The following CCSER1 variants were observed in gnomAD, a reference collection of about 807,000 sequenced individuals.
CCSER1 encodes the protein coiled-coil serine rich protein 1.
CCSER1 carries 41 observed loss-of-function variants against 82.0 expected under a neutral mutation model. The observed-to-expected ratio is 0.50, with a 90% confidence interval of 0.39 to 0.65. CCSER1 has a LOEUF of 0.65. CCSER1 is among the 30% of genes least tolerant of loss of function. CCSER1 has a pLI of 0.00. For missense variants in CCSER1, 1,119 were observed against 1,064.2 expected, an observed-to-expected ratio of 1.05 and a Z score of -0.72; for synonymous variants, 414 against 383.9, an observed-to-expected ratio of 1.08 and a Z score of -0.92.
Position 90,741,117 on chromosome 4 carries a change from T to C in CCSER1, c.2010+17126T>C, listed in dbSNP as rs141100737. 5.2e-3 allele frequency among the ~76,000 whole-genome samples: 798 copies of C among 152,256 alleles called. 6 individuals are homozygous for C. Among genetic ancestry groups the C allele is most frequent in the African/African-American group, 0.018 (766 of 41,550 alleles). On this transcript the variant is annotated intron_variant, in intron 7 of 10. Coordinates refer to ENST00000509176, the MANE Select transcript of CCSER1 (RefSeq NM_001145065.2). ...ACATGGGAAGAGTTCTGAATTAATT[T>C]GTATGTAAAGGATAGGTGTTGAACT...
chr4:90,152,381 A>C lies in CCSER1; in HGVS notation c.-42+24550A>C, dbSNP rs145928824. On this transcript the variant is annotated intron_variant, in intron 1 of 10. Coordinates refer to ENST00000509176, the MANE Select transcript of CCSER1 (RefSeq NM_001145065.2). ...CTGAGGCCAGGATGAAGGAATGGGC[A>C]TACTGGCCTAAGTGAGCCAAGGTTC... 1.7e-3 allele frequency among the ~76,000 whole-genome samples: 255 copies of C among 152,294 alleles called. 3 individuals are homozygous for C. Among genetic ancestry groups the C allele is most frequent in the African/African-American group, 5.5e-3 (228 of 41,558 alleles).
intron 7 of CCSER1, among the ~76,000 whole-genome samples, chr4:90,734,089 CTATTTT>C (rs774198568): frequency 7.9e-5 from 12 of 151,326 alleles, no homozygotes; most frequent in Middle Eastern, 6.8e-3. Context: ...CTATAGATTG[CTATTTT>C]TATTTTTATT....
chr4:91,077,438 A>T (rs372139098), intron 9 of CCSER1, among the ~76,000 whole-genome samples: 216 of 152,356 alleles, frequency 1.4e-3, no homozygotes, highest in African/African-American at 5.0e-3. Context: ...AAAATAGTAA[A>T]ATGTGACTCA....
At chr4:90,254,819 C>A (rs1274118071) in intron 1 of CCSER1, among the ~76,000 whole-genome samples, 1 of 152,048 alleles carries the variant, frequency 6.6e-6, no homozygotes, top group African/African-American at 2.4e-5. Context: ...TTTTGCATGT[C>A]ATTAGGGAAA....
At chr4:90,951,593 A>G (rs1038124510) in intron 9 of CCSER1, among the ~76,000 whole-genome samples, 21 of 152,124 alleles carry the variant, frequency 1.4e-4, no homozygotes, top group African/African-American at 4.8e-4. Flanking sequence ...CAGAAGTCCA[A>G]CATGATAAAA....
At chr4:90,276,304 TTC>T (rs1397463991) in intron 1 of CCSER1, among the ~76,000 whole-genome samples, 30 of 126,072 alleles carry the variant, frequency 2.4e-4, no homozygotes, top group East Asian at 9.5e-4. Context: ...CCTTCCTTCC[TTC>T]CTTTCTTTCT....
chr4:90,354,375 A>G (rs1386119815), intron 3 of CCSER1, among the ~76,000 whole-genome samples: 1 of 152,204 alleles, frequency 6.6e-6, no homozygotes, highest in Non-Finnish European at 1.5e-5. Flanking sequence ...TATATAAAAT[A>G]ACATGAGATG....
chr4:90,988,470 A>G (rs1422026620), intron 9 of CCSER1, among the ~76,000 whole-genome samples: 1 of 151,246 alleles, frequency 6.6e-6, no homozygotes, highest in African/African-American at 2.4e-5. Flanking sequence ...CTTGCTCAAT[A>G]GTCATATCTT....
At position 91,539,005 on chromosome 4, in the gene CCSER1, A is replaced by C. The variant is rs547141116; in HGVS notation, c.2218-59567A>C. 9.9e-5 allele frequency among the ~76,000 whole-genome samples: 15 copies of C among 152,078 alleles called. No homozygotes were observed. In the East Asian group the frequency reaches 2.9e-3, roughly 29 times the overall value. On this transcript the variant is annotated intron_variant, in intron 10 of 10. Coordinates refer to ENST00000509176, the MANE Select transcript of CCSER1 (RefSeq NM_001145065.2). Reference sequence around the variant, plus strand: ...CAGCCCAGCTGAATGACAGCAGATCAATTTTCTTTCTAAAGGTCCTTCCAG... The same window carrying C: ...CAGCCCAGCTGAATGACAGCAGATCCATTTTCTTTCTAAAGGTCCTTCCAG...
At chr4:90,906,244 G>C (rs1283678401) in intron 8 of CCSER1, among the ~76,000 whole-genome samples, 1 of 152,082 alleles carries the variant, frequency 6.6e-6, no homozygotes, top group Non-Finnish European at 1.5e-5. Flanking sequence ...TCATGACTAT[G>C]CTGAAGGAAA....
chr4:90,458,885 A>G (rs1489028447), intron 4 of CCSER1, among the ~76,000 whole-genome samples: 1 of 152,200 alleles, frequency 6.6e-6, no homozygotes, highest in African/African-American at 2.4e-5. Flanking sequence ...CACTTAACCT[A>G]GGTAGCATCT....
intron 10 of CCSER1, among the ~76,000 whole-genome samples, chr4:91,140,855 A>C (rs184410302): frequency 2.0e-4 from 31 of 152,100 alleles, no homozygotes; most frequent in Admixed American, 5.2e-4. Context: ...TCCAGTTTTG[A>C]TGCAGGCATA....
At chr4:91,560,605 C>T (rs1762609669) in intron 10 of CCSER1, among the ~76,000 whole-genome samples, 1 of 151,480 alleles carries the variant, frequency 6.6e-6, no homozygotes, top group Admixed American at 6.6e-5. Context: ...TTGCTGTATG[C>T]TCAATCGTTT....
intron 8 of CCSER1, among the ~76,000 whole-genome samples, chr4:90,882,148 G>A (rs76624335): frequency 0.02 from 2,967 of 152,000 alleles, 52 homozygotes; most frequent in Non-Finnish European, 0.027. Flanking sequence ...AGCTAGTCAC[G>A]TTATCCTCTT....
At chr4:90,866,429 A>T (rs536242551) in intron 8 of CCSER1, among the ~76,000 whole-genome samples, 1 of 152,196 alleles carries the variant, frequency 6.6e-6, no homozygotes, top group African/African-American at 2.4e-5. Context: ...AAATTAAGAT[A>T]GAAGAGCAAT....
At chr4:91,584,707 A>C (rs2110323874) in intron 10 of CCSER1, among the ~76,000 whole-genome samples, 1 of 151,650 alleles carries the variant, frequency 6.6e-6, no homozygotes, top group African/African-American at 2.4e-5. Flanking sequence ...TATAAAATTA[A>C]AATTGATTTG....
At chr4:90,590,557 G>A (rs891244407) in intron 5 of CCSER1, among the ~76,000 whole-genome samples, 10 of 151,684 alleles carry the variant, frequency 6.6e-5, no homozygotes, top group Admixed American at 2.6e-4. Flanking sequence ...ACCATCCTGG[G>A]CAAAAAGAGT....
chr4:90,791,435 A>C (rs901253581), intron 7 of CCSER1, among the ~76,000 whole-genome samples: 7 of 152,332 alleles, frequency 4.6e-5, no homozygotes, highest in South Asian at 2.1e-4. Context: ...GCCTTCAATA[A>C]CCATCACCCT....
intron 6 of CCSER1, among the ~76,000 whole-genome samples, chr4:90,721,676 T>C (rs1188288968): frequency 1.3e-5 from 2 of 151,712 alleles, no homozygotes; most frequent in Admixed American, 1.3e-4. Context: ...GATTAAAATA[T>C]GAAATATGGA....
Sources: allele counts gnomAD v4.1 joint callset (sites outside exome capture counted in the v4.1 genomes callset), GRCh38; gene constraint gnomAD v4.1.1; transcripts MANE v1.5; gene names NCBI Gene and HGNC (gene_info 2026-07-23, HGNC 2026-07-21).